IGFBP2: variants seen among roughly 807,000 people sequenced by gnomAD.
The protein encoded by IGFBP2 is insulin-like growth factor-binding protein 2.
IGFBP2 carries 12 observed loss-of-function variants against 26.2 expected under a neutral mutation model. The ratio of observed to expected loss-of-function variants is 0.46; its 90% CI spans 0.29 to 0.74. The LOEUF (loss-of-function observed/expected upper bound fraction) is 0.74, where lower values mean the gene tolerates loss of function less well. Ranked by LOEUF, IGFBP2 falls within the 30% of genes least tolerant of loss-of-function variation. The pLI is 0.09. For missense variants in IGFBP2, 328 were observed against 441.2 expected, an observed-to-expected ratio of 0.74 and a Z score of 2.30; for synonymous variants, 189 against 200.6, an observed-to-expected ratio of 0.94 and a Z score of 0.49.
At chr2:216,645,357 A>G (rs1027004366) in intron 1 of IGFBP2, among the ~76,000 whole-genome samples, 3 of 152,162 alleles carry the variant, frequency 2.0e-5, no homozygotes, top group African/African-American at 7.2e-5. Flanking sequence ...GAGGGGAAGA[A>G]ATGAAGCCCT....
intron 1 of IGFBP2, among the ~76,000 whole-genome samples, chr2:216,657,255 A>G (rs759957165): frequency 4.0e-5 from 6 of 151,838 alleles, no homozygotes; most frequent in African/African-American, 4.8e-5. Context: ...CTGTCTGGGA[A>G]GGGCAGCGGG....
intron 1 of IGFBP2, among the ~76,000 whole-genome samples, chr2:216,656,909 G>C (rs1697932288): frequency 6.6e-6 from 1 of 152,144 alleles, no homozygotes; most frequent in African/African-American, 2.4e-5. Context: ...AACACCCTGT[G>C]AGCAGAATGC....
chr2:216,646,681 G>A (rs1164316843), intron 1 of IGFBP2, among the ~76,000 whole-genome samples: 2 of 152,178 alleles, frequency 1.3e-5, no homozygotes, highest in African/African-American at 2.4e-5. Flanking sequence ...CTCACATGGT[G>A]GCAGACAAGA....
intron 1 of IGFBP2, 139 bp from the exon 2 acceptor site, chr2:216,660,418 G>A (rs965709317): frequency 9.6e-6 from 6 of 626,386 alleles, no homozygotes; most frequent in South Asian, 2.0e-5. Flanking sequence ...TGCTCAGCAC[G>A]GGCCCTGACA....
chr2:216,661,778 C>T, intron 2 of IGFBP2, 80 bp from the exon 3 acceptor site: 1 of 1,538,668 alleles, frequency 6.5e-7, no homozygotes, highest in South Asian at 1.1e-5. Flanking sequence ...GCAGCAGCTT[C>T]TCGCTGAGCT....
chr2:216,659,553 C>T (rs1300655818), intron 1 of IGFBP2: 7 of 628,842 alleles, frequency 1.1e-5, no homozygotes, highest in East Asian at 2.8e-5. Context: ...CTCCTGGTTA[C>T]AGCTCTGCCG....
At chr2:216,643,892 C>T (rs1697661661) in intron 1 of IGFBP2, among the ~76,000 whole-genome samples, 1 of 152,078 alleles carries the variant, frequency 6.6e-6, no homozygotes, top group Admixed American at 6.6e-5. Context: ...TCACCTGCTC[C>T]CACCCTCCAC....
At chr2:216,633,255 G>C (rs1406898545), upstream of IGFBP2, 2 of 153,566 alleles carry the variant, frequency 1.3e-5, no homozygotes, top group Admixed American at 6.5e-5. Context: ...GGAACCCCCA[G>C]AGCCCGCAGC....
chr2:216,656,560 A>G (rs900042035), intron 1 of IGFBP2, among the ~76,000 whole-genome samples: 3 of 152,208 alleles, frequency 2.0e-5, no homozygotes, highest in Non-Finnish European at 4.4e-5. Context: ...TGTTGTTCCA[A>G]CCTGGGGAGG....
At chr2:216,644,398 A>AC (rs1697671436) in intron 1 of IGFBP2, among the ~76,000 whole-genome samples, 1 of 152,106 alleles carries the variant, frequency 6.6e-6, no homozygotes, top group African/African-American at 2.4e-5. Flanking sequence ...TTAGTGGAGG[A>AC]CGGTGAAGGT....
chr2:216,652,633 T>C (rs1255417301), intron 1 of IGFBP2, among the ~76,000 whole-genome samples: 1 of 152,218 alleles, frequency 6.6e-6, no homozygotes, highest in East Asian at 1.9e-4. Context: ...TAATGAATCG[T>C]CCACTGCTAT....
chr2:216,636,580 G>A (rs1411306728), intron 1 of IGFBP2, among the ~76,000 whole-genome samples: 2 of 152,098 alleles, frequency 1.3e-5, no homozygotes, highest in Admixed American at 1.3e-4. Flanking sequence ...GGAAGGGGTG[G>A]GTAGGCCTAG....
chr2:216,657,614 G>A (rs559895299), intron 1 of IGFBP2, among the ~76,000 whole-genome samples: 35 of 152,124 alleles, frequency 2.3e-4, no homozygotes, highest in African/African-American at 7.7e-4. Flanking sequence ...CTGGGTGTCT[G>A]CTGCTCTCCA....
At chr2:216,650,491 A>G (rs1334692996) in intron 1 of IGFBP2, among the ~76,000 whole-genome samples, 1 of 152,188 alleles carries the variant, frequency 6.6e-6, no homozygotes, top group African/African-American at 2.4e-5. Context: ...GAGGGGATTC[A>G]TCGGCCAGGT....
chr2:216,653,566 TTC>T (rs1697866054), intron 1 of IGFBP2, among the ~76,000 whole-genome samples: 1 of 152,200 alleles, frequency 6.6e-6, no homozygotes, highest in Non-Finnish European at 1.5e-5. Context: ...CTCCTGTGAA[TTC>T]AAATGGTAGT....
At chr2:216,649,857 A>G (rs1274135171) in intron 1 of IGFBP2, among the ~76,000 whole-genome samples, 1 of 152,046 alleles carries the variant, frequency 6.6e-6, no homozygotes, top group African/African-American at 2.4e-5. Flanking sequence ...GGGGAGCCCG[A>G]GATGAGATGG....
At chr2:216,660,140 A>T (rs1482300530) in intron 1 of IGFBP2, among the ~76,000 whole-genome samples, 1 of 151,986 alleles carries the variant, frequency 6.6e-6, no homozygotes, top group Non-Finnish European at 1.5e-5. Context: ...AAGGACTTAA[A>T]CCCATTCCAT....
intron 1 of IGFBP2, among the ~76,000 whole-genome samples, chr2:216,660,259 C>T (rs1698009411): frequency 6.6e-6 from 1 of 152,134 alleles, no homozygotes; most frequent in South Asian, 2.1e-4. Flanking sequence ...GATTTCAAAT[C>T]CTGAATCCAT....
In IGFBP2 at chr2:216,633,570, C is replaced by T. The variant is rs1559172816; in HGVS notation, c.47C>T (p.Pro16Leu). ...CCCGCGCTGCCGCTGCCGCCGCCGC[C>T]GCTGCTGCCGCTGCTGCTGCTGCTA... ...GCPALPLPPP[P>L]LLPLLLLLLG... Residue 16 changes from proline to leucine, a missense_variant, in exon 1 of 4, where the codon CCG becomes CTG. By Grantham distance (98) the Pro-to-Leu change is moderately conservative. Transcript: ENST00000233809. 4.0e-6 allele frequency: 4 copies of T among 1,008,442 alleles called. No homozygotes were observed. Among genetic ancestry groups the T allele is most frequent in the Admixed American group, 5.8e-5 (1 of 17,118 alleles). 62.5% of individuals were successfully genotyped at this position (1,008,442 alleles called of 1,614,324 possible).
Sources: gnomAD v4.1 joint callset for allele counts (sites outside exome capture counted in the v4.1 genomes callset) on GRCh38, gnomAD v4.1.1 for gene constraint, MANE v1.5 for transcripts, NCBI Gene and HGNC (gene_info 2026-07-23, HGNC 2026-07-21) for gene names.